Variants in CDH13 observed in about 807,000 individuals in gnomAD.
The protein encoded by CDH13 is cadherin 13, also known as cadherin-13.
Under a neutral mutation model 63.8 loss-of-function variants are expected in CDH13, and 24 were observed. That is an observed-to-expected ratio of 0.38 (90% CI 0.27 to 0.53). CDH13 has a LOEUF of 0.53. Ranked by LOEUF, CDH13 falls within the 20% of genes least tolerant of loss-of-function variation. CDH13 has a pLI of 0.85. For synonymous variants in CDH13, 503 were observed against 355.3 expected, an observed-to-expected ratio of 1.42 and a Z score of -4.67; for missense variants, 1,049 against 903.1, an observed-to-expected ratio of 1.16 and a Z score of -2.07.
chr16:83,202,837 G>A (rs1478668851), intron 4 of CDH13, among the ~76,000 whole-genome samples: 2 of 152,152 alleles, frequency 1.3e-5, no homozygotes, highest in Admixed American at 6.5e-5. Flanking sequence ...GGTACAGGGA[G>A]ATAAACATTG....
At chr16:82,987,978 C>G (rs1181316856) in intron 2 of CDH13, among the ~76,000 whole-genome samples, 7 of 152,218 alleles carry the variant, frequency 4.6e-5, no homozygotes, top group African/African-American at 1.7e-4. Context: ...GTTTGCTACA[C>G]TAGCTGGCTG....
chr16:82,780,887 A>G (rs1341263261), intron 1 of CDH13, among the ~76,000 whole-genome samples: 3 of 152,242 alleles, frequency 2.0e-5, no homozygotes, highest in Non-Finnish European at 2.9e-5. Flanking sequence ...TTCATTCTAC[A>G]TTTGACAGTA....
At chr16:83,393,720 C>G (rs921596186) in intron 6 of CDH13, among the ~76,000 whole-genome samples, 2 of 152,180 alleles carry the variant, frequency 1.3e-5, no homozygotes, top group Admixed American at 6.5e-5. Context: ...ATCCCCTGGT[C>G]AAGGAACCAG....
At chr16:83,431,119 C>T (rs969276694) in intron 6 of CDH13, among the ~76,000 whole-genome samples, 1 of 151,914 alleles carries the variant, frequency 6.6e-6, no homozygotes, top group African/African-American at 2.4e-5. Flanking sequence ...TTTCCAGTTT[C>T]ATCCATGTCC....
chr16:82,883,239 C>T (rs892556451), intron 2 of CDH13, among the ~76,000 whole-genome samples: 2 of 152,212 alleles, frequency 1.3e-5, no homozygotes, highest in African/African-American at 4.8e-5. Flanking sequence ...CAGGCAGTGT[C>T]ATCTCATGAT....
At chr16:82,805,698 A>G (rs902121516) in intron 1 of CDH13, among the ~76,000 whole-genome samples, 7 of 152,194 alleles carry the variant, frequency 4.6e-5, no homozygotes, top group Non-Finnish European at 1.0e-4. Flanking sequence ...AACCCTTCTC[A>G]TAGTCTGGTG....
At chr16:82,890,728 T>C (rs2041051864) in intron 2 of CDH13, among the ~76,000 whole-genome samples, 1 of 151,154 alleles carries the variant, frequency 6.6e-6, no homozygotes, top group African/African-American at 2.4e-5. Flanking sequence ...CTTGGCTCAC[T>C]GCAACCTCCG....
rs550924592 is a variant in CDH13, at chr16:82,965,350, T to G, written c.158-66660T>G. On this transcript the variant is annotated intron_variant, in intron 2 of 13. Coordinates refer to ENST00000567109, the MANE Select transcript of CDH13 (RefSeq NM_001257.5). Reference sequence around the variant, plus strand: ...GGAGCCCCTATGGAGGAGACAAAGATGCAAAATTTTTAGTTTGGTTTTATT... The same window carrying G: ...GGAGCCCCTATGGAGGAGACAAAGAGGCAAAATTTTTAGTTTGGTTTTATT... Among the ~76,000 whole-genome samples the G allele has an allele frequency of 2.6e-5, 4 of 152,360 alleles. No individual in the cohort carries two copies. The South Asian group carries it at 8.3e-4, about 32-fold the overall frequency.
At chr16:82,884,459 C>G in intron 2 of CDH13, 1 of 284,478 alleles carries the variant, frequency 3.5e-6, no homozygotes, top group South Asian at 3.7e-5. Flanking sequence ...CAACCCAGTG[C>G]CTGTAATTTT....
In CDH13 at chr16:83,602,396, C is replaced by G. The variant is rs537559356; in HGVS notation, c.961-58C>G. The G allele has an allele frequency of 2.0e-4, 315 of 1,594,252 alleles. 2 individuals carry two copies. In the African/African-American group the frequency reaches 2.5e-3, roughly 12 times the overall value. On this transcript the variant is annotated intron_variant, in intron 7 of 13. Transcript: ENST00000567109. ...CTCCAGCAACACGCCTGCCACCTTT[C>G]CAAAGCAGTAACCCAAATCTAAATG...
At chr16:83,541,571 C>T (rs939571153) in intron 7 of CDH13, among the ~76,000 whole-genome samples, 2 of 152,126 alleles carry the variant, frequency 1.3e-5, no homozygotes, top group African/African-American at 4.8e-5. Flanking sequence ...GTCATCAAAC[C>T]ACTCCTTCCT....
chr16:83,276,002 C>T (rs900730025), intron 5 of CDH13, among the ~76,000 whole-genome samples: 1 of 152,058 alleles, frequency 6.6e-6, no homozygotes, highest in Non-Finnish European at 1.5e-5. Flanking sequence ...ACAATTATAA[C>T]AGAAGGAAAA....
chr16:82,798,847 G>A (rs1374619853), intron 1 of CDH13, among the ~76,000 whole-genome samples: 1 of 152,086 alleles, frequency 6.6e-6, no homozygotes, highest in Non-Finnish European at 1.5e-5. Flanking sequence ...TGTGTTGAGT[G>A]CTTAAATGGA....
At chr16:82,925,113 T>A (rs2042264701) in intron 2 of CDH13, among the ~76,000 whole-genome samples, 1 of 152,142 alleles carries the variant, frequency 6.6e-6, no homozygotes, top group African/African-American at 2.4e-5. Flanking sequence ...GCTGCAAGAT[T>A]CCCCTAGTTG....
At chr16:83,729,698 A>T (rs1910825782) in intron 10 of CDH13, among the ~76,000 whole-genome samples, 1 of 152,330 alleles carries the variant, frequency 6.6e-6, no homozygotes, top group Non-Finnish European at 1.5e-5. Context: ...AAATAAGCTG[A>T]CCCATGTAAA....
intron 3 of CDH13, among the ~76,000 whole-genome samples, chr16:83,057,848 G>A (rs1350888195): frequency 6.6e-6 from 1 of 152,168 alleles, no homozygotes; most frequent in African/African-American, 2.4e-5. Context: ...ATGGTACTAA[G>A]AAAGAAAAAT....
At chr16:82,933,711 A>T (rs1464208283) in intron 2 of CDH13, among the ~76,000 whole-genome samples, 1 of 152,240 alleles carries the variant, frequency 6.6e-6, no homozygotes, top group East Asian at 1.9e-4. Context: ...ATGGAGATAC[A>T]GGCATTGGGT....
intron 3 of CDH13, among the ~76,000 whole-genome samples, chr16:83,081,209 A>G (rs549850501): frequency 6.6e-6 from 1 of 152,276 alleles, no homozygotes; most frequent in East Asian, 1.9e-4. Flanking sequence ...TTGAAAAGTT[A>G]GGATTCAAAT....
At chr16:82,654,700 T>C (rs1021873583) in intron 1 of CDH13, among the ~76,000 whole-genome samples, 3 of 151,956 alleles carry the variant, frequency 2.0e-5, no homozygotes, top group African/African-American at 7.3e-5. Context: ...ATACAAATGC[T>C]GTACCATCAA....
Sources: allele counts gnomAD v4.1 joint callset (sites outside exome capture counted in the v4.1 genomes callset), GRCh38; gene constraint gnomAD v4.1.1; transcripts MANE v1.5; gene names NCBI Gene and HGNC (gene_info 2026-07-23, HGNC 2026-07-21).